Variants in RANGAP1 observed in about 807,000 individuals in gnomAD.
RANGAP1 encodes the protein ran GTPase-activating protein 1.
In RANGAP1, 38 loss-of-function variants were observed where a neutral mutation model predicts 63.5. The ratio of observed to expected loss-of-function variants is 0.60; its 90% CI spans 0.46 to 0.78. The LOEUF (loss-of-function observed/expected upper bound fraction) is 0.78. Ranked by LOEUF, RANGAP1 falls within the 30% of genes least tolerant of loss-of-function variation. The pLI is 0.00. For missense variants in RANGAP1, 630 were observed against 740.3 expected (o/e 0.85, Z 1.73); for synonymous variants, 329 against 310.5 (o/e 1.06, Z -0.63).
chr22:41,283,422 T>A (rs920515868), intron 1 of RANGAP1, among the ~76,000 whole-genome samples: 1 of 152,066 alleles, frequency 6.6e-6, no homozygotes, highest in African/African-American at 2.4e-5. Context: ...GGCAGGAGAA[T>A]TGCTTGAACC....
the RANGAP1 span, among the ~76,000 whole-genome samples, chr22:41,291,658 G>C: frequency 1.3e-5 from 2 of 150,846 alleles, no homozygotes; most frequent in East Asian, 2.0e-4. Flanking sequence ...CAGCACTTTG[G>C]GGGGCCGAGG....
At chr22:41,261,385 C>G in intron 6 of RANGAP1, 61 bp downstream of exon 6, 2 of 1,604,180 alleles carry the variant, frequency 1.2e-6, no homozygotes, top group South Asian at 2.2e-5. Context: ...CCAGAACTGT[C>G]AGCCTACTAT....
intron 3 of RANGAP1, 102 bp downstream of exon 3, chr22:41,274,498 C>A: frequency 6.6e-7 from 1 of 1,523,778 alleles, no homozygotes; most frequent in Non-Finnish European, 8.9e-7. Context: ...TACAGCCACA[C>A]AGGCAGGGGC....
intron 3 of RANGAP1, among the ~76,000 whole-genome samples, chr22:41,273,766 C>CAAAAAAAAAA (rs71200678): frequency 0.035 from 846 of 24,350 alleles, 215 homozygotes; most frequent in Middle Eastern, 0.071. Flanking sequence ...GACTCCATCT[C>CAAAAAAAAAA]AAAAAAAAAA....
chr22:41,298,539 T>C, the RANGAP1 span, among the ~76,000 whole-genome samples: 1 of 151,706 alleles, frequency 6.6e-6, no homozygotes, highest in African/African-American at 2.4e-5. Flanking sequence ...GGTCTCAAGC[T>C]CCTGACCTCA....
At chr22:41,251,991 G>GA (rs142893773) in intron 12 of RANGAP1, among the ~76,000 whole-genome samples, 3,275 of 152,240 alleles carry the variant, frequency 0.022, 93 homozygotes, top group African/African-American at 0.074. Context: ...CTGAGAGTGG[G>GA]CCCATTTTAT....
rs950055457 is a variant in RANGAP1, at chr22:41,246,536, G to A, written c.*67C>T. On this transcript the variant is annotated 3_prime_UTR_variant, in exon 16 of 16. Transcript: ENST00000356244. The stretch of plus-strand genomic sequence containing the variant: ...TGTCCAAGGCAATGGCGTAGGCTGC[G>A]CCTCAGTTCATCCGAGTCCCTCCCC... 15 of 1,453,828 alleles carry A rather than the reference G, an allele frequency of 1.0e-5. No individual in the cohort carries two copies. In the Admixed American group the frequency reaches 1.6e-4, roughly 15 times the overall value. 90.1% of individuals were successfully genotyped at this position (1,453,828 alleles called of 1,614,324 possible).
chr22:41,283,235 G>A (rs925545231), intron 1 of RANGAP1, among the ~76,000 whole-genome samples: 1 of 151,842 alleles, frequency 6.6e-6, no homozygotes, highest in African/African-American at 2.4e-5. Context: ...GGGGGGCCGG[G>A]AGTGGTGGTT....
chr22:41,260,673 C>T (rs561059298), intron 6 of RANGAP1, among the ~76,000 whole-genome samples: 38 of 152,222 alleles, frequency 2.5e-4, no homozygotes, highest in African/African-American at 8.4e-4. Flanking sequence ...ATGGTAAAAC[C>T]CCGTCTCTAA....
At chr22:41,289,843 GACTT>G (rs1463866387), upstream of RANGAP1, among the ~76,000 whole-genome samples, 1 of 152,082 alleles carries the variant, frequency 6.6e-6, no homozygotes, top group African/African-American at 2.4e-5. Context: ...GTTACAGTGT[GACTT>G]ACACATGAGA....
chr22:41,275,828 C>G (rs2035108894), intron 2 of RANGAP1, among the ~76,000 whole-genome samples: 1 of 151,554 alleles, frequency 6.6e-6, no homozygotes, highest in Non-Finnish European at 1.5e-5. Context: ...CACCTGTAGT[C>G]TCAGCTACTT....
rs368607630 is a variant in RANGAP1 at position 41,246,688 on chromosome 22, G to T, written c.1695-16C>A. On this transcript the variant is annotated splice_polypyrimidine_tract_variant and intron_variant, in intron 15 of 15. Transcript: ENST00000356244. ...GCTGTTGGGCCTGCGGGGAAAGAGG[G>T]GTCAGCAGGTCGGTGGATGCCTCTT... The T allele has an allele frequency of 3.9e-5, 60 of 1,545,746 alleles. No individual in the cohort carries two copies. Among genetic ancestry groups the T allele is most frequent in the Non-Finnish European group, 5.1e-5 (58 of 1,137,940 alleles).
At chr22:41,253,648 G>A (rs1241916744) in intron 11 of RANGAP1, among the ~76,000 whole-genome samples, 1 of 152,020 alleles carries the variant, frequency 6.6e-6, no homozygotes, top group Non-Finnish European at 1.5e-5. Flanking sequence ...GGTTCCTAAG[G>A]GTCACCAAGA....
At chr22:41,279,707 C>T (rs2035379661) in intron 2 of RANGAP1, among the ~76,000 whole-genome samples, 1 of 150,352 alleles carries the variant, frequency 6.7e-6, no homozygotes, top group African/African-American at 2.5e-5. Context: ...GAGGCTGAGG[C>T]AGGAGAATCG....
At chr22:41,285,142 A>C (rs1020233096) in intron 1 of RANGAP1, 1 of 152,148 alleles carries the variant, frequency 6.6e-6, no homozygotes, top group East Asian at 1.9e-4. Context: ...GGGTGACAGA[A>C]GGAGACCGTC....
chr22:41,279,632 A>G (rs2035373102), intron 2 of RANGAP1, among the ~76,000 whole-genome samples: 1 of 151,556 alleles, frequency 6.6e-6, no homozygotes, highest in African/African-American at 2.4e-5. Flanking sequence ...ACAGAGCAAG[A>G]CTATGTCTCA....
chr22:41,286,090 G>A lies in RANGAP1; in HGVS notation c.-143C>T, dbSNP rs907749068. ...GGGTCAGGCCGGGGTCGCCACCTCC[G>A]GATCCAGCGGTCCAGATGTCCAGCC... On this transcript the variant is annotated 5_prime_UTR_variant, in exon 1 of 16. Coordinates refer to ENST00000356244, the MANE Select transcript of RANGAP1 (RefSeq NM_002883.4). The A allele has an allele frequency of 1.3e-5, 2 of 152,302 alleles. No homozygotes were observed. The highest frequency in any genetic ancestry group is 1.9e-4 in the East Asian group (1 of 5,200). 9.4% of individuals were successfully genotyped at this position (152,302 alleles called of 1,614,324 possible).
chr22:41,264,549 T>G, intron 5 of RANGAP1, 115 bp downstream of exon 5: 14 of 1,331,698 alleles, frequency 1.1e-5, no homozygotes, highest in Non-Finnish European at 1.4e-5. Context: ...GGCCTTTCTC[T>G]TTTGAAAACA....
rs2034380357 is a variant in RANGAP1, at chr22:41,264,921, G to A, written c.301-78C>T. 2.8e-6 allele frequency: 4 copies of A among 1,452,670 alleles called. No individual in the cohort carries two copies. In the South Asian group the frequency reaches 5.2e-5, roughly 19 times the overall value. 90.0% of individuals were successfully genotyped at this position (1,452,670 alleles called of 1,614,324 possible). A position where few individuals can be genotyped will look rare whatever the true frequency, so the allele number is the denominator to read the frequency against. ...GGGTGCTGCTTCTGTGCCAGGCCCA[G>A]CTCTGCCTTCCAAGGACACCCCGGC... is the stretch of plus-strand genomic sequence containing the variant. On this transcript the variant is annotated intron_variant, in intron 4 of 15. Coordinates refer to ENST00000356244, the MANE Select transcript of RANGAP1 (RefSeq NM_002883.4).
Sources: gnomAD v4.1 joint callset for allele counts (sites outside exome capture counted in the v4.1 genomes callset) on GRCh38, gnomAD v4.1.1 for gene constraint, MANE v1.5 for transcripts, NCBI Gene and HGNC (gene_info 2026-07-23, HGNC 2026-07-21) for gene names.